The following NRG3 variants were observed in gnomAD, a reference collection of about 807,000 sequenced individuals.
NRG3 encodes the protein neuregulin 3, also known as pro-neuregulin-3, membrane-bound isoform.
A neutral mutation model predicts 66.9 loss-of-function variants in NRG3; 31 were observed. The observed-to-expected ratio is 0.46, with a 90% CI of 0.35 to 0.63. The LOEUF (loss-of-function observed/expected upper bound fraction) is 0.63, where lower values mean the gene tolerates loss of function less well. NRG3 is among the 20% of genes least tolerant of loss of function. NRG3 has a pLI of 0.00. For synonymous variants in NRG3, 393 were observed against 359.4 expected (o/e 1.09, Z -1.06); for missense variants, 910 against 878.9 (o/e 1.04, Z -0.45).
At chr10:82,096,547 A>T (rs2066361024) in intron 1 of NRG3, among the ~76,000 whole-genome samples, 1 of 152,108 alleles carries the variant, frequency 6.6e-6, no homozygotes, top group South Asian at 2.1e-4. Flanking sequence ...GAGCCCCGTC[A>T]CTCACCAAAA....
At chr10:82,640,514 ATGGACTGGACAGGG>A (rs2050497031) in intron 2 of NRG3, among the ~76,000 whole-genome samples, 1 of 152,140 alleles carries the variant, frequency 6.6e-6, no homozygotes, top group African/African-American at 2.4e-5. Context: ...TGTTTTCTCC[ATGGACTGGACAGGG>A]TGCATTTATA....
intron 2 of NRG3, among the ~76,000 whole-genome samples, chr10:82,517,577 T>G (rs906798051): frequency 1.3e-5 from 2 of 152,080 alleles, no homozygotes; most frequent in Admixed American, 6.6e-5. Context: ...GATTTCATTA[T>G]GTGTTTTCAA....
rs534553823 is a variant in NRG3, at chr10:82,943,018, G to C, written c.1055-8451G>C. Among the ~76,000 whole-genome samples, 42 of 152,202 alleles carry C rather than the reference G, an allele frequency of 2.8e-4. No individual in the cohort carries two copies. The South Asian group carries it at 8.5e-3, about 31-fold the overall frequency. Reference sequence around the variant, plus strand: ...ATAAATTCCTTAAATACCAGTTTCTGGACACAGACTTCTCCAGAGTTAGCA... The same window carrying C: ...ATAAATTCCTTAAATACCAGTTTCTCGACACAGACTTCTCCAGAGTTAGCA... On this transcript the variant is annotated intron_variant, in intron 4 of 8. Coordinates refer to ENST00000372141, the MANE Select transcript of NRG3 (RefSeq NM_001010848.4).
At chr10:82,835,446 T>C (rs2062726981) in intron 3 of NRG3, among the ~76,000 whole-genome samples, 1 of 152,132 alleles carries the variant, frequency 6.6e-6, no homozygotes, top group Non-Finnish European at 1.5e-5. Context: ...CATCAACTAT[T>C]ATCAAAGGAA....
At chr10:82,383,690 T>G (rs2085780621) in intron 2 of NRG3, among the ~76,000 whole-genome samples, 1 of 151,994 alleles carries the variant, frequency 6.6e-6, no homozygotes, top group African/African-American at 2.4e-5. Flanking sequence ...AATTTTTATC[T>G]CAAAGTTTAT....
chr10:81,906,174 G>GT (rs1422681829), intron 1 of NRG3, among the ~76,000 whole-genome samples: 1 of 152,052 alleles, frequency 6.6e-6, no homozygotes, highest in Non-Finnish European at 1.5e-5. Context: ...TGCCAGGCAT[G>GT]TGTTCATGGA....
intron 3 of NRG3, among the ~76,000 whole-genome samples, chr10:82,771,366 C>T (rs540743619): frequency 6.6e-6 from 1 of 151,990 alleles, no homozygotes; most frequent in South Asian, 2.1e-4. Flanking sequence ...AAAATAAAGC[C>T]AGTATTTTAT....
At chr10:82,856,297 C>T (rs2063798793) in intron 3 of NRG3, among the ~76,000 whole-genome samples, 3 of 152,144 alleles carry the variant, frequency 2.0e-5, no homozygotes, top group South Asian at 2.1e-4. Context: ...AAAGAAACAA[C>T]TACCCTTCAG....
At chr10:82,352,872 G>A (rs972638515) in intron 1 of NRG3, among the ~76,000 whole-genome samples, 3 of 146,008 alleles carry the variant, frequency 2.1e-5, no homozygotes, top group Non-Finnish European at 3.0e-5. Context: ...AGCAGTGACT[G>A]ATTGCTATGT....
At chr10:82,902,863 C>G (rs1844365791) in intron 4 of NRG3, among the ~76,000 whole-genome samples, 1 of 151,604 alleles carries the variant, frequency 6.6e-6, no homozygotes, top group Admixed American at 6.6e-5. Flanking sequence ...CTGCATTGAT[C>G]CATTTATATG....
In NRG3 at chr10:81,875,276, G is replaced by GCCCGC. The variant is rs1461209825; in HGVS notation, c.-64_-60dup. ...GAGCCCGCGCCCGCGCCCGCGCCCG[G>GCCCGC]CCCGCGCGGCCCCATGCCTCTGCCG... On this transcript the variant is annotated 5_prime_UTR_variant, in exon 1 of 9. It introduces an in-frame stop codon into an upstream open reading frame of the 5' UTR. Transcript: ENST00000372141. The surrounding 1 kb of genome is among the most constrained non-coding windows in gnomAD (Gnocchi z 5.3). 15 of 967,560 alleles carry GCCCGC rather than the reference G, an allele frequency of 1.6e-5. No homozygotes were observed. In the African/African-American group the frequency reaches 2.7e-4, roughly 17 times the overall value. 59.9% of individuals were successfully genotyped at this position (967,560 alleles called of 1,614,324 possible). A position where few individuals can be genotyped will look rare whatever the true frequency, so the allele number is the denominator to read the frequency against.
rs956991241 is a variant in NRG3 at position 82,957,521 on chromosome 10, G to A, written c.1158-1428G>A. On this transcript the variant is annotated intron_variant, in intron 5 of 8. Coordinates refer to ENST00000372141, the MANE Select transcript of NRG3 (RefSeq NM_001010848.4). ...TGTGTTAAAAACCCTGACAAATAGA[G>A]CCGGAGAAGGACATGAAGGGAGCAG... 2.0e-5 allele frequency among the ~76,000 whole-genome samples: 3 copies of A among 151,944 alleles called. No individual in the cohort carries two copies. The East Asian group carries it at 5.8e-4, about 29-fold the overall frequency.
chr10:82,078,310 T>C (rs2065204394), intron 1 of NRG3, among the ~76,000 whole-genome samples: 1 of 152,132 alleles, frequency 6.6e-6, no homozygotes, highest in Non-Finnish European at 1.5e-5. Context: ...AGGTGAATGC[T>C]AACTCACTGC....
chr10:82,112,815 A>G (rs987016249), intron 1 of NRG3, among the ~76,000 whole-genome samples: 1 of 152,108 alleles, frequency 6.6e-6, no homozygotes, highest in East Asian at 1.9e-4. Context: ...TTTGTTTGCA[A>G]TGGATATGTA....
intron 1 of NRG3, among the ~76,000 whole-genome samples, chr10:81,964,927 A>G (rs544284053): frequency 2.0e-5 from 3 of 152,304 alleles, no homozygotes; most frequent in Admixed American, 6.5e-5. Context: ...ATAGAAGTGT[A>G]TATGTTTTCT....
At chr10:82,799,247 G>C (rs2060927004) in intron 3 of NRG3, among the ~76,000 whole-genome samples, 2 of 152,074 alleles carry the variant, frequency 1.3e-5, no homozygotes, top group Non-Finnish European at 2.9e-5. Context: ...TTTACCCTAG[G>C]CTGGGTGCGG....
chr10:82,366,034 T>C (rs1029917225), intron 2 of NRG3, among the ~76,000 whole-genome samples: 1 of 152,180 alleles, frequency 6.6e-6, no homozygotes, highest in African/African-American at 2.4e-5. Flanking sequence ...GGGTAAGACA[T>C]ACAAGAGGCA....
chr10:82,557,740 T>C (rs1269989622), intron 2 of NRG3, among the ~76,000 whole-genome samples: 1 of 152,308 alleles, frequency 6.6e-6, no homozygotes, highest in Non-Finnish European at 1.5e-5. Flanking sequence ...GAATTTACTT[T>C]GTGCCAGACA....
At chr10:81,928,135 A>G (rs1028184100) in intron 1 of NRG3, among the ~76,000 whole-genome samples, 2 of 152,230 alleles carry the variant, frequency 1.3e-5, no homozygotes, top group Admixed American at 6.5e-5. Flanking sequence ...ACTTATTCTC[A>G]CTTAACCACT....
Sources: allele counts gnomAD v4.1 joint callset (sites outside exome capture counted in the v4.1 genomes callset), GRCh38; gene constraint gnomAD v4.1.1; non-coding constraint Gnocchi (gnomAD v3.1); transcripts MANE v1.5; gene names NCBI Gene and HGNC (gene_info 2026-07-23, HGNC 2026-07-21).